Variants in TTBK2 observed in about 807,000 individuals in gnomAD.
TTBK2 encodes tau-tubulin kinase 2.
Under a neutral mutation model 110.8 loss-of-function variants are expected in TTBK2, and 28 were observed. The ratio of observed to expected loss-of-function variants is 0.25; its 90% CI spans 0.19 to 0.35. The LOEUF (loss-of-function observed/expected upper bound fraction) is 0.35. TTBK2 is among the 10% of genes least tolerant of loss of function. The pLI, the probability that TTBK2 is intolerant of heterozygous loss-of-function variation, is 1.00. For synonymous variants in TTBK2, 532 were observed against 527.3 expected (o/e 1.01, Z -0.12); for missense variants, 1,369 against 1,500.3 (o/e 0.91, Z 1.45).
At chr15:42,896,708 A>G (rs1227555978) in intron 1 of TTBK2, among the ~76,000 whole-genome samples, 1 of 152,144 alleles carries the variant, frequency 6.6e-6, no homozygotes, top group Admixed American at 6.5e-5. Flanking sequence ...CAAGAGGATC[A>G]CTTAGACGCC....
intron 1 of TTBK2, among the ~76,000 whole-genome samples, chr15:42,908,018 A>AT (rs2030515104): frequency 6.6e-6 from 1 of 152,140 alleles, no homozygotes; most frequent in South Asian, 2.1e-4. Flanking sequence ...CCCAAGAGGC[A>AT]GAAGTTGTGG....
intron 10 of TTBK2, among the ~76,000 whole-genome samples, chr15:42,785,560 G>GA (rs905917426): frequency 6.6e-6 from 1 of 152,004 alleles, no homozygotes; most frequent in East Asian, 1.9e-4. Flanking sequence ...TGACCTGGGG[G>GA]AAAAAATAGC....
At chr15:42,833,161 C>G (rs1892831956) in intron 4 of TTBK2, among the ~76,000 whole-genome samples, 1 of 142,744 alleles carries the variant, frequency 7.0e-6, no homozygotes, top group Non-Finnish European at 1.5e-5. Flanking sequence ...ACATGTTTAT[C>G]TATGTAACAA....
intron 10 of TTBK2, among the ~76,000 whole-genome samples, chr15:42,791,918 G>A (rs1319466727): frequency 6.6e-6 from 1 of 152,162 alleles, no homozygotes; most frequent in African/African-American, 2.4e-5. Flanking sequence ...GAGGCAGGTG[G>A]ATCACCTGAG....
At chr15:42,747,381 T>G (rs1418165980) in intron 14 of TTBK2, among the ~76,000 whole-genome samples, 1 of 152,208 alleles carries the variant, frequency 6.6e-6, no homozygotes, top group Non-Finnish European at 1.5e-5. Context: ...ATAAAAGTGT[T>G]TTTATAAACT....
intron 13 of TTBK2, among the ~76,000 whole-genome samples, chr15:42,759,163 T>A (rs1567006181): frequency 1.3e-5 from 2 of 152,100 alleles, no homozygotes; most frequent in Non-Finnish European, 2.9e-5. Flanking sequence ...GTGATTTGAG[T>A]CCTGCACAGC....
At chr15:42,778,146 C>T (rs2140775759) in intron 11 of TTBK2, among the ~76,000 whole-genome samples, 1 of 151,308 alleles carries the variant, frequency 6.6e-6, no homozygotes, top group East Asian at 1.9e-4. Context: ...GAACTGGTTC[C>T]AATATAAAAT....
chr15:42,841,614 T>C (rs946871066), intron 3 of TTBK2, among the ~76,000 whole-genome samples: 1 of 152,052 alleles, frequency 6.6e-6, no homozygotes, highest in Admixed American at 6.6e-5. Flanking sequence ...AGATAAAGAA[T>C]AACTACTAAA....
chr15:42,901,981 T>G (rs1413857990), intron 1 of TTBK2, among the ~76,000 whole-genome samples: 1 of 151,084 alleles, frequency 6.6e-6, no homozygotes, highest in Admixed American at 6.6e-5. Context: ...TTTGGGAGGC[T>G]GAGGCCGGCA....
At chr15:42,793,601 C>A (rs962920043) in intron 10 of TTBK2, among the ~76,000 whole-genome samples, 1 of 151,884 alleles carries the variant, frequency 6.6e-6, no homozygotes, top group Non-Finnish European at 1.5e-5. Flanking sequence ...GTAATCCCAG[C>A]ACTTTTGGAG....
At chr15:42,811,925 T>C (rs1281250737) in intron 7 of TTBK2, 145 bp from the exon 8 acceptor site, 3 of 488,140 alleles carry the variant, frequency 6.1e-6, no homozygotes, top group Non-Finnish European at 1.0e-5. Flanking sequence ...AACATATATA[T>C]ATATATAAAT....
intron 2 of TTBK2, among the ~76,000 whole-genome samples, 199 bp from the exon 3 acceptor site, chr15:42,872,957 G>A (rs923084726): frequency 6.6e-6 from 1 of 151,910 alleles, no homozygotes; most frequent in African/African-American, 2.4e-5. Context: ...TTCCCCACAG[G>A]TTTATCCACA....
intron 3 of TTBK2, among the ~76,000 whole-genome samples, chr15:42,861,610 T>C (rs1309262600): frequency 1.3e-5 from 2 of 152,078 alleles, no homozygotes; most frequent in Admixed American, 6.5e-5. Flanking sequence ...AGAGGAAAGT[T>C]TGTAGCACTA....
chr15:42,899,240 T>C (rs1243297303), intron 1 of TTBK2, among the ~76,000 whole-genome samples: 1 of 152,006 alleles, frequency 6.6e-6, no homozygotes, highest in East Asian at 1.9e-4. Flanking sequence ...TCAAGTGATC[T>C]GCCTGCCTCA....
intron 13 of TTBK2, among the ~76,000 whole-genome samples, chr15:42,763,652 T>A (rs1889211403): frequency 6.6e-6 from 1 of 152,168 alleles, no homozygotes. Flanking sequence ...AAGACATCAC[T>A]ATGTACCTCA....
intron 3 of TTBK2, chr15:42,871,324 C>G (rs1345312482): frequency 2.4e-6 from 1 of 412,316 alleles, no homozygotes; most frequent in African/African-American, 2.2e-5. Context: ...GGGTCTCTAA[C>G]TCATTCATAA....
chr15:42,851,083 T>A (rs1893690680), intron 3 of TTBK2, among the ~76,000 whole-genome samples: 1 of 150,062 alleles, frequency 6.7e-6, no homozygotes, highest in African/African-American at 2.4e-5. Flanking sequence ...AATAAAAAAA[T>A]AAAAAAATAA....
Position 42,746,255 on chromosome 15 carries a change from A to G in TTBK2, c.3275T>C (p.Leu1092Pro). Residue 1092 changes from leucine (L) to proline (P), a missense_variant and splice_region_variant, in exon 15 of 15, where the codon CTA (leucine) becomes CCA (proline). Physicochemically the swap from Leu to Pro is moderately conservative, Grantham distance 98 (BLOSUM62 -3). This residue lies in a region of TTBK2 where 1,097 missense variants were observed against 1,114.7 expected (regional missense o/e 0.98). Transcript: ENST00000267890. ...ACTCCCTAGGACTTTATATCTGCGT[A>G]GCCTTAAAAGAACAGAGAAAATATA... ...PPTRPGVEAR[L>P]RRYKVLGSSN... 5 of 1,609,132 alleles carry G rather than the reference A, an allele frequency of 3.1e-6. No individual in the cohort carries two copies. The highest frequency in any genetic ancestry group is 4.3e-6 in the Non-Finnish European group (5 of 1,176,158).
At chr15:42,907,644 GT>G (rs1485842473) in intron 1 of TTBK2, among the ~76,000 whole-genome samples, 1 of 152,082 alleles carries the variant, frequency 6.6e-6, no homozygotes, top group African/African-American at 2.4e-5. Flanking sequence ...TAGATTGGTG[GT>G]TACCAGAGGC....
Sources: gnomAD v4.1 joint callset for allele counts (sites outside exome capture counted in the v4.1 genomes callset) on GRCh38, gnomAD v4.1.1 for gene constraint, gnomAD v4.1.1 regional missense constraint, MANE v1.5 for transcripts, NCBI Gene and HGNC (gene_info 2026-07-23, HGNC 2026-07-21) for gene names.